Variants in KDR observed in about 807,000 individuals in gnomAD.
KDR encodes vascular endothelial growth factor receptor 2.
A neutral mutation model predicts 160.9 loss-of-function variants in KDR; 43 were observed. The ratio of observed to expected loss-of-function variants is 0.27; its 90% CI spans 0.21 to 0.34. The LOEUF is 0.34. Among genes scored for constraint, KDR ranks in the 10% least tolerant of loss-of-function variants. The probability of loss-of-function intolerance (pLI) is 1.00; values close to 1 mark genes in which losing one functional copy is unlikely to be tolerated. For missense variants in KDR, 1,469 were observed against 1,666.4 expected, an observed-to-expected ratio of 0.88 and a Z score of 2.06; for synonymous variants, 617 against 600.1, an observed-to-expected ratio of 1.03 and a Z score of -0.41.
At chr4:55,122,541 A>G (rs1216963023) in intron 1 of KDR, among the ~76,000 whole-genome samples, 1 of 152,212 alleles carries the variant, frequency 6.6e-6, no homozygotes, top group African/African-American at 2.4e-5. Context: ...AGTGCATTGA[A>G]TCTGAGGATC....
In KDR at chr4:55,089,798, C is replaced by T. The variant is rs754208569; in HGVS notation, c.3197G>A (p.Arg1066His). The T allele has an allele frequency of 1.1e-5, 18 of 1,613,718 alleles. No homozygotes were observed. Among genetic ancestry groups the T allele is most frequent in the Admixed American group, 5.0e-5 (3 of 60,006 alleles). Residue 1066 changes from arginine to histidine, a missense_variant, in exon 24 of 30, where the codon CGC becomes CAC. Coordinates refer to ENST00000263923, the MANE Select transcript of KDR (RefSeq NM_002253.4). ...TGGGGCCATCCATTTCAAAGGGAGG[C>T]GAGCCTACAGGGGTAGAAGACAAGG... Reference protein sequence around the residue: ...DPDYVRKGDARLPLKWMAPET... With the variant: ...DPDYVRKGDAHLPLKWMAPET...
At chr4:55,114,018 A>T (rs1720665487) in intron 6 of KDR, 108 bp downstream of exon 6, 1 of 1,114,560 alleles carries the variant, frequency 9.0e-7, no homozygotes, top group African/African-American at 1.5e-5. Flanking sequence ...TGTGTGTTTA[A>T]GGCTCTTACA....
chr4:55,087,856 G>C (rs1272925484), intron 26 of KDR, 98 bp from the exon 27 acceptor site: 9 of 1,088,792 alleles, frequency 8.3e-6, no homozygotes, highest in African/African-American at 1.5e-5. Flanking sequence ...GGCTACATAG[G>C]GTGTGTGGCT....
chr4:55,081,963 A>T lies in KDR; in HGVS notation c.3841T>A (p.Ser1281Thr). ...AATATGGCTGAGTCTTACCCAAAAG[A>T]TGGAGATAATTTGGTTCTGTCTTCC... ...TLEDRTKLSPSFGGMVPSKSR... is the reference protein window; with the variant it reads ...TLEDRTKLSPTFGGMVPSKSR... Residue 1281 changes from serine (S) to threonine (T), a missense_variant, in exon 29 of 30, where the codon TCT becomes ACT. Coordinates refer to ENST00000263923, the MANE Select transcript of KDR (RefSeq NM_002253.4). The T allele has an allele frequency of 6.2e-7, 1 of 1,608,942 alleles. No homozygotes were observed. Among genetic ancestry groups the T allele is most frequent in the South Asian group, 1.1e-5 (1 of 90,952 alleles).
At chr4:55,109,792 C>T (rs1720530961) in intron 9 of KDR, among the ~76,000 whole-genome samples, 1 of 152,166 alleles carries the variant, frequency 6.6e-6, no homozygotes, top group Admixed American at 6.5e-5. Flanking sequence ...CCATTCCAAA[C>T]ACTTATTTGT....
intron 7 of KDR, among the ~76,000 whole-genome samples, chr4:55,112,469 C>T (rs1474400941): frequency 1.3e-5 from 2 of 151,210 alleles, no homozygotes; most frequent in African/African-American, 2.4e-5. Flanking sequence ...GTAGGGCTTC[C>T]AGTCAACAGT....
intron 27 of KDR, among the ~76,000 whole-genome samples, chr4:55,085,823 G>C (rs1196819192): frequency 6.6e-6 from 1 of 152,152 alleles, no homozygotes; most frequent in Non-Finnish European, 1.5e-5. Context: ...CACGCTTCTG[G>C]GGATAAACGT....
intron 1 of KDR, among the ~76,000 whole-genome samples, chr4:55,123,292 T>C (rs1720942013): frequency 6.6e-6 from 1 of 152,006 alleles, no homozygotes; most frequent in Non-Finnish European, 1.5e-5. Context: ...GCCATCCAAA[T>C]GAGAAAAAAA....
At chr4:55,087,849 T>C (rs2110009453) in intron 26 of KDR, 91 bp from the exon 27 acceptor site, 1 of 1,181,384 alleles carries the variant, frequency 8.5e-7, no homozygotes, top group Non-Finnish European at 1.3e-6. Context: ...ACTTCTTGGC[T>C]ACATAGGGTG....
In KDR at chr4:55,118,618, T is replaced by C. The variant is rs768200562; in HGVS notation, c.344A>G (p.Tyr115Cys). ...TCACCACTTACCTTGAACATAGACA[T>C]AAATGACCGAGGCCAAGTCAGTTTC... is the stretch of plus-strand genomic sequence containing the variant. ...YRETDLASVI[Y>C]VYVQDYRSPF... Residue 115 changes from tyrosine (Y) to cysteine (C), a missense_variant, in exon 3 of 30, where the codon TAT becomes TGT. Physicochemically the swap from Tyr to Cys is radical, Grantham distance 194 (BLOSUM62 -2). Coordinates refer to ENST00000263923, the MANE Select transcript of KDR (RefSeq NM_002253.4). 1 of 1,613,778 alleles carries C rather than the reference T, an allele frequency of 6.2e-7. No individual in the cohort carries two copies. The highest frequency in any genetic ancestry group is 8.5e-7 in the Non-Finnish European group (1 of 1,179,644).
chr4:55,122,460 T>C (rs577186649), intron 1 of KDR, among the ~76,000 whole-genome samples: 88 of 152,176 alleles, frequency 5.8e-4, no homozygotes, highest in African/African-American at 2.1e-3. Context: ...TAAGAGAGTA[T>C]GAACAAATAG....
At chr4:55,083,061 C>A (rs183342937) in intron 27 of KDR, among the ~76,000 whole-genome samples, 3 of 152,268 alleles carry the variant, frequency 2.0e-5, no homozygotes, top group East Asian at 1.9e-4. Context: ...AGCAACCATT[C>A]AATGAAAGAT....
At chr4:55,093,928 G>A (rs35624269) in intron 21 of KDR, among the ~76,000 whole-genome samples, 30,506 of 152,112 alleles carry the variant, frequency 0.2, 3,683 homozygotes, top group East Asian at 0.46. Context: ...GGCCAGGCAC[G>A]GAGGCTTACG....
chr4:55,098,628 G>C (rs1720222276), intron 16 of KDR, 69 bp downstream of exon 16: 2 of 1,177,132 alleles, frequency 1.7e-6, no homozygotes, highest in Non-Finnish European at 1.3e-6. Context: ...ACAACTCAAA[G>C]AACCCCAGTC....
intron 3 of KDR, 121 bp downstream of exon 3, chr4:55,118,483 T>A (rs1406422866): frequency 1.3e-6 from 1 of 767,854 alleles, no homozygotes; most frequent in African/African-American, 1.7e-5. Context: ...GAATTGTGTG[T>A]ATTCCTCTTG....
chr4:55,113,549 A>C (rs1720651845), intron 6 of KDR, 68 bp from the exon 7 acceptor site: 3 of 1,387,868 alleles, frequency 2.2e-6, no homozygotes, highest in Non-Finnish European at 3.1e-6. Flanking sequence ...TTCTAGTAAC[A>C]CACAGAATTA....
intron 13 of KDR, among the ~76,000 whole-genome samples, chr4:55,103,795 G>T (rs1421468711): frequency 6.6e-6 from 1 of 151,892 alleles, no homozygotes; most frequent in African/African-American, 2.4e-5. Flanking sequence ...AAAAACAGAG[G>T]GCACATATAT....
intron 15 of KDR, among the ~76,000 whole-genome samples, chr4:55,101,102 C>T (rs1392119218): frequency 6.6e-6 from 1 of 152,144 alleles, no homozygotes; most frequent in Non-Finnish European, 1.5e-5. Flanking sequence ...CCAATTAAAA[C>T]TCGGAATCCT....
chr4:55,121,957 C>T (rs1016630698), intron 1 of KDR, among the ~76,000 whole-genome samples: 20 of 152,052 alleles, frequency 1.3e-4, no homozygotes, highest in Non-Finnish European at 5.9e-5. Context: ...AAAAATTTTC[C>T]CAGTTTCACA....
Sources: allele counts gnomAD v4.1 joint callset (sites outside exome capture counted in the v4.1 genomes callset), GRCh38; gene constraint gnomAD v4.1.1; transcripts MANE v1.5; gene names NCBI Gene and HGNC (gene_info 2026-07-23, HGNC 2026-07-21).